The following RALGAPA2 variants were observed in gnomAD, a reference collection of about 807,000 sequenced individuals.
RALGAPA2 encodes the protein Ral GTPase activating protein catalytic subunit alpha 2.
RALGAPA2 carries 139 observed loss-of-function variants against 230.4 expected under a neutral mutation model. That is an observed-to-expected ratio of 0.60 (90% CI 0.53 to 0.69). The LOEUF (loss-of-function observed/expected upper bound fraction) is 0.69. RALGAPA2 is among the 30% of genes least tolerant of loss of function. The pLI, the probability that RALGAPA2 is intolerant of heterozygous loss-of-function variation, is 0.00. For synonymous variants in RALGAPA2, 847 were observed against 837.8 expected, an observed-to-expected ratio of 1.01 and a Z score of -0.19; for missense variants, 2,163 against 2,276.0, an observed-to-expected ratio of 0.95 and a Z score of 1.01.
At chr20:20,570,284 T>C (rs1195274473) in intron 23 of RALGAPA2, among the ~76,000 whole-genome samples, 1 of 152,194 alleles carries the variant, frequency 6.6e-6, no homozygotes, top group Non-Finnish European at 1.5e-5. Flanking sequence ...AAAGTAAGTA[T>C]TGGGAAATAC....
chr20:20,503,344 C>T lies in RALGAPA2; in HGVS notation c.5208+7G>A. ...AGCTAAGAATGGTGCCCGAGGAGACCCCTTACCTTTTTGGTGAGGGAATCA... is the reference window on the plus strand; with the variant it reads ...AGCTAAGAATGGTGCCCGAGGAGACTCCTTACCTTTTTGGTGAGGGAATCA... On this transcript the variant is annotated splice_region_variant and intron_variant, in intron 35 of 39. Coordinates refer to ENST00000202677, the MANE Select transcript of RALGAPA2 (RefSeq NM_020343.4). The T allele has an allele frequency of 6.4e-7, 1 of 1,566,488 alleles. No individual in the cohort carries two copies. The highest frequency in any genetic ancestry group is 8.7e-7 in the Non-Finnish European group (1 of 1,147,858).
chr20:20,687,808 C>T (rs1018038007), intron 1 of RALGAPA2, among the ~76,000 whole-genome samples: 3 of 152,078 alleles, frequency 2.0e-5, no homozygotes, highest in African/African-American at 4.8e-5. Flanking sequence ...GAAGAGATAC[C>T]CCCAAGTATA....
intron 37 of RALGAPA2, among the ~76,000 whole-genome samples, chr20:20,441,505 C>T (rs764975587): frequency 6.6e-6 from 1 of 152,182 alleles, no homozygotes; most frequent in African/African-American, 2.4e-5. Flanking sequence ...CAAGGCAGGA[C>T]AGCAGCAGAA....
intron 3 of RALGAPA2, among the ~76,000 whole-genome samples, chr20:20,657,963 ATTTTC>A (rs2067647426): frequency 6.6e-6 from 1 of 152,166 alleles, no homozygotes; most frequent in African/African-American, 2.4e-5. Flanking sequence ...TCTTGATTTC[ATTTTC>A]TTTTGTTAGC....
At chr20:20,620,255 T>G (rs1008544446) in intron 11 of RALGAPA2, among the ~76,000 whole-genome samples, 10 of 151,974 alleles carry the variant, frequency 6.6e-5, no homozygotes, top group Admixed American at 5.9e-4. Context: ...CTGGCTAGAG[T>G]TGCAGGAGAT....
At chr20:20,435,161 C>T (rs1602358408) in intron 37 of RALGAPA2, among the ~76,000 whole-genome samples, 1 of 152,212 alleles carries the variant, frequency 6.6e-6, no homozygotes, top group Non-Finnish European at 1.5e-5. Context: ...CCCTTTTCCT[C>T]AAGGAGGCCC....
At chr20:20,636,866 C>T (rs2066878586) in intron 8 of RALGAPA2, among the ~76,000 whole-genome samples, 1 of 152,148 alleles carries the variant, frequency 6.6e-6, no homozygotes, top group Non-Finnish European at 1.5e-5. Context: ...CTGGGGCTTA[C>T]TGTCCATAGC....
Position 20,643,489 on chromosome 20 carries a change from C to A in RALGAPA2, c.372+17G>T. 1 of 1,465,498 alleles carries A rather than the reference C, an allele frequency of 6.8e-7. No homozygotes were observed. Among genetic ancestry groups the A allele is most frequent in the Non-Finnish European group, 9.2e-7 (1 of 1,090,272 alleles). The allele number at this position is 1,465,498 out of a possible 1,614,324, so 90.8% of individuals were successfully genotyped here. ...TTAAGAGTAATAAAAAATGTCATTACACAATAAAATAAATACCTTAATAGA... is the reference window on the plus strand; with the variant it reads ...TTAAGAGTAATAAAAAATGTCATTAAACAATAAAATAAATACCTTAATAGA... On this transcript the variant is annotated intron_variant, in intron 5 of 39. Transcript: ENST00000202677.
chr20:20,658,903 G>T lies in RALGAPA2; in HGVS notation c.271-5316C>A, dbSNP rs373250692. ...ATTTCAATTCCACTTAGAAAGCTAG[G>T]ACAGTGAAGAATGAAGAAAATACTA... On this transcript the variant is annotated intron_variant, in intron 3 of 39. Coordinates refer to ENST00000202677, the MANE Select transcript of RALGAPA2 (RefSeq NM_020343.4). Among the ~76,000 whole-genome samples, 6 of 152,262 alleles carry T rather than the reference G, an allele frequency of 3.9e-5. No homozygotes were observed. In the East Asian group the frequency reaches 9.6e-4, roughly 24 times the overall value.
At chr20:20,462,674 T>C (rs1569421138) in intron 37 of RALGAPA2, among the ~76,000 whole-genome samples, 1 of 152,226 alleles carries the variant, frequency 6.6e-6, no homozygotes, top group African/African-American at 2.4e-5. Context: ...AAAAGTATTC[T>C]GCTTTCATTA....
chr20:20,661,761 A>G (rs1477392647), intron 3 of RALGAPA2, among the ~76,000 whole-genome samples: 4 of 152,194 alleles, frequency 2.6e-5, no homozygotes, highest in African/African-American at 9.7e-5. Flanking sequence ...TCAAACACAG[A>G]AAGACTGACA....
At chr20:20,485,284 T>C (rs2061883545) in intron 36 of RALGAPA2, among the ~76,000 whole-genome samples, 1 of 152,172 alleles carries the variant, frequency 6.6e-6, no homozygotes, top group Admixed American at 6.5e-5. Flanking sequence ...CTCCATCTGA[T>C]ATTAATATAG....
intron 20 of RALGAPA2, among the ~76,000 whole-genome samples, chr20:20,578,841 G>T (rs576045408): frequency 6.6e-6 from 1 of 152,306 alleles, no homozygotes; most frequent in African/African-American, 2.4e-5. Context: ...GCTCCCACCA[G>T]TGCAGCCTGG....
At chr20:20,418,650 G>A (rs2060213641) in intron 37 of RALGAPA2, among the ~76,000 whole-genome samples, 2 of 152,198 alleles carry the variant, frequency 1.3e-5, no homozygotes, top group African/African-American at 4.8e-5. Context: ...ATAGGCATGT[G>A]TATTAATAAG....
chr20:20,533,897 G>T (rs989834895), intron 26 of RALGAPA2, among the ~76,000 whole-genome samples: 2 of 151,938 alleles, frequency 1.3e-5, no homozygotes, highest in Non-Finnish European at 2.9e-5. Context: ...CTGTGCAGGA[G>T]AAATTAATAT....
chr20:20,705,667 T>TG (rs2069570814), intron 1 of RALGAPA2, among the ~76,000 whole-genome samples: 1 of 151,652 alleles, frequency 6.6e-6, no homozygotes, highest in South Asian at 2.1e-4. Flanking sequence ...TTGTTGTTGT[T>TG]TTGTTTTGTT....
chr20:20,606,378 G>T (rs1222400969), intron 14 of RALGAPA2, among the ~76,000 whole-genome samples: 3 of 152,114 alleles, frequency 2.0e-5, no homozygotes, highest in African/African-American at 7.2e-5. Flanking sequence ...CTGGTTTCCT[G>T]ATCTATCTAC....
intron 4 of RALGAPA2, among the ~76,000 whole-genome samples, chr20:20,648,663 G>A (rs527406177): frequency 1.3e-5 from 2 of 151,964 alleles, no homozygotes; most frequent in East Asian, 1.9e-4. Context: ...AGAGGATTGC[G>A]GTGGGGGTTG....
intron 36 of RALGAPA2, among the ~76,000 whole-genome samples, chr20:20,485,416 G>C (rs146555741): frequency 1.5e-3 from 236 of 152,274 alleles, no homozygotes; most frequent in African/African-American, 5.5e-3. Flanking sequence ...TTGGGTCTTG[G>C]CTTCTTTGGC....
Sources: allele counts gnomAD v4.1 joint callset (sites outside exome capture counted in the v4.1 genomes callset), GRCh38; gene constraint gnomAD v4.1.1; transcripts MANE v1.5; gene names NCBI Gene and HGNC (gene_info 2026-07-23, HGNC 2026-07-21).